Variants in G3BP1 observed in about 807,000 individuals in gnomAD.
The protein encoded by G3BP1 is ras GTPase-activating protein-binding protein 1.
G3BP1 carries 35 observed loss-of-function variants against 58.6 expected under a neutral mutation model. That is an observed-to-expected ratio of 0.60 (90% CI 0.46 to 0.79). G3BP1 has a LOEUF of 0.79. G3BP1 is among the 30% of genes least tolerant of loss of function. G3BP1 has a pLI of 0.00. For missense variants in G3BP1, 523 were observed against 580.8 expected (o/e 0.90, Z 1.02); for synonymous variants, 191 against 195.4 (o/e 0.98, Z 0.19).
chr5:151,778,319 G>C (rs1201689933), intron 1 of G3BP1, among the ~76,000 whole-genome samples: 1 of 152,066 alleles, frequency 6.6e-6, no homozygotes, highest in African/African-American at 2.4e-5. Flanking sequence ...GTACCTCACA[G>C]GTTTTAATTT....
chr5:151,790,316 T>G lies in G3BP1; in HGVS notation c.96-7T>G. On this transcript the variant is annotated splice_region_variant and splice_polypyrimidine_tract_variant and intron_variant, in intron 2 of 11. Transcript: ENST00000356245. ...GATGACAAGTAAATCATCTTCCCAT[T>G]TTACAGATTTTATGGAAAGAACTCT... 7 of 1,469,730 alleles carry G rather than the reference T, an allele frequency of 4.8e-6. No individual in the cohort carries two copies. Among genetic ancestry groups the G allele is most frequent in the Non-Finnish European group, 6.5e-6 (7 of 1,071,762 alleles). 91.0% of individuals were successfully genotyped at this position (1,469,730 alleles called of 1,614,324 possible).
At chr5:151,800,101 G>A (rs947492887) in intron 9 of G3BP1, 101 bp downstream of exon 9, 55 of 1,184,944 alleles carry the variant, frequency 4.6e-5, no homozygotes, top group Non-Finnish European at 6.6e-5. Flanking sequence ...TAAAAATATT[G>A]TAGGGTTGAT....
intron 11 of G3BP1, among the ~76,000 whole-genome samples, chr5:151,801,800 CAA>C (rs781504498): frequency 1.6e-3 from 240 of 151,740 alleles, no homozygotes; most frequent in Middle Eastern, 3.4e-3. Context: ...GGGCATACTG[CAA>C]AGTTTTTTAT....
chr5:151,796,027 GT>G (rs1162888368), intron 6 of G3BP1, among the ~76,000 whole-genome samples: 3 of 152,058 alleles, frequency 2.0e-5, no homozygotes, highest in South Asian at 2.1e-4. Flanking sequence ...ATACCTTTGG[GT>G]TTTTTCCCCC....
chr5:151,774,772 G>A (rs1762339264), intron 1 of G3BP1, among the ~76,000 whole-genome samples: 1 of 151,750 alleles, frequency 6.6e-6, no homozygotes, highest in Non-Finnish European at 1.5e-5. Context: ...AAGCAAGTGG[G>A]AAAAATCTCT....
Position 151,804,083 on chromosome 5 carries a change from C to T in G3BP1, c.1393C>T (p.Arg465Trp), listed in dbSNP as rs372751446. ...TGGAGTGGGAAGGGGGCTTGCGCCA[C>T]GGCAGTGAATCTTCATGGATCTTCA... ...GFGVGRGLAP[R>W]Q The change falls in exon 12 of 12, where the codon CGG (arginine) becomes TGG (tryptophan). Residue 465 changes from arginine to tryptophan, a missense_variant. Physicochemically the swap from Arg to Trp is moderately radical, Grantham distance 101. Transcript: ENST00000356245. The T allele has an allele frequency of 5.0e-6, 8 of 1,596,982 alleles. No homozygotes were observed. Among genetic ancestry groups the T allele is most frequent in the Non-Finnish European group, 6.0e-6 (7 of 1,169,718 alleles).
intron 2 of G3BP1, among the ~76,000 whole-genome samples, chr5:151,788,208 T>C (rs1762583938): frequency 6.6e-6 from 1 of 152,136 alleles, no homozygotes; most frequent in African/African-American, 2.4e-5. Context: ...TTGGGTTTTT[T>C]TTTAAGGCTT....
At position 151,810,824 on chromosome 5, in the gene G3BP1, G is replaced by A. The variant is rs1763007883; in HGVS notation, c.*6733G>A. ...CCATTTCAGTGGAGAAAATTGTTGG[G>A]AAATTTGGGGGGATGGATATATAAG... On this transcript the variant is annotated 3_prime_UTR_variant, in exon 12 of 12. Coordinates refer to ENST00000356245, the MANE Select transcript of G3BP1 (RefSeq NM_005754.3). 6.6e-6 allele frequency: 1 copy of A among 151,604 alleles called. No individual in the cohort carries two copies. The highest frequency in any genetic ancestry group is 2.1e-4 in the South Asian group (1 of 4,798). 9.4% of individuals were successfully genotyped at this position (151,604 alleles called of 1,614,324 possible). A position where few individuals can be genotyped will look rare whatever the true frequency, so the allele number is the denominator to read the frequency against.
At chr5:151,802,469 C>A (rs933372067) in intron 11 of G3BP1, among the ~76,000 whole-genome samples, 4 of 152,148 alleles carry the variant, frequency 2.6e-5, no homozygotes, top group African/African-American at 9.7e-5. Flanking sequence ...TGTAGCTTAC[C>A]GTTTCAAAGC....
Position 151,802,167 on chromosome 5 carries a change from A to C in G3BP1, c.1194+1298A>C, listed in dbSNP as rs571893923. 2.0e-5 allele frequency among the ~76,000 whole-genome samples: 3 copies of C among 152,158 alleles called. No individual in the cohort carries two copies. The East Asian group carries it at 5.8e-4, about 29-fold the overall frequency. ...TATAACATGTCAACCTGAGTATGCA[A>C]ATATACATTATCTTTCAAATTATTT... On this transcript the variant is annotated intron_variant, in intron 11 of 11. Coordinates refer to ENST00000356245, the MANE Select transcript of G3BP1 (RefSeq NM_005754.3).
chr5:151,804,030 G>A lies in G3BP1; in HGVS notation c.1340G>A (p.Arg447His), dbSNP rs543064462. The A allele has an allele frequency of 2.0e-5, 32 of 1,613,302 alleles. No homozygotes were observed. Among genetic ancestry groups the A allele is most frequent in the Admixed American group, 6.7e-5 (4 of 59,892 alleles). Residue 447 changes from arginine (R) to histidine (H), a missense_variant, in exon 12 of 12, where the codon CGT becomes CAT. By Grantham distance (29) the Arg-to-His change is conservative. Coordinates refer to ENST00000356245, the MANE Select transcript of G3BP1 (RefSeq NM_005754.3). ...GGTGGTGGAATGAGAGGCCCTCCCC[G>A]TGGAGGCATGGTGCAGAAACCAGGA... is the stretch of plus-strand genomic sequence containing the variant. ...GLGGGMRGPPRGGMVQKPGFG... is the reference protein window; with the variant it reads ...GLGGGMRGPPHGGMVQKPGFG...
chr5:151,780,948 A>T (rs1762460291), intron 1 of G3BP1, among the ~76,000 whole-genome samples: 1 of 152,180 alleles, frequency 6.6e-6, no homozygotes, highest in Non-Finnish European at 1.5e-5. Flanking sequence ...TTAATGTAGT[A>T]CAGTTGAACC....
chr5:151,775,069 A>G (rs1581569129), intron 1 of G3BP1, among the ~76,000 whole-genome samples: 1 of 152,236 alleles, frequency 6.6e-6, no homozygotes, highest in Non-Finnish European at 1.5e-5. Flanking sequence ...ACAAGGTGGA[A>G]AGCAATTTCA....
intron 4 of G3BP1, 100 bp downstream of exon 4, chr5:151,791,162 A>G: frequency 9.6e-7 from 1 of 1,046,168 alleles, no homozygotes; most frequent in East Asian, 2.4e-5. Context: ...TTTCAGACTT[A>G]CAGAAAACTT....
intron 1 of G3BP1, among the ~76,000 whole-genome samples, chr5:151,785,961 G>T (rs1048581854): frequency 6.6e-6 from 1 of 152,168 alleles, no homozygotes; most frequent in African/African-American, 2.4e-5. Context: ...GAATGTGCTT[G>T]TAACTTTACA....
rs952700363 is a variant in G3BP1 at position 151,800,840 on chromosome 5, G to A, written c.1165G>A (p.Glu389Lys). Residue 389 changes from glutamate (E) to lysine (K), a missense_variant, in exon 11 of 12, where the codon GAG becomes AAG. Physicochemically the swap from Glu to Lys is moderately conservative, Grantham distance 56 (BLOSUM62 1). This residue lies in a region of G3BP1 where 125 missense variants were observed against 181.7 expected (regional missense o/e 0.69). Coordinates refer to ENST00000356245, the MANE Select transcript of G3BP1 (RefSeq NM_005754.3). Reference protein sequence around the residue: ...NFGFVVFDDSEPVQKVLSNRP... With the variant: ...NFGFVVFDDSKPVQKVLSNRP... The stretch of plus-strand genomic sequence containing the variant: ...TGGTTTTGTTGTGTTTGATGATTCT[G>A]AGCCTGTTCAGAAAGTCCTTAGCAA... 3.7e-6 allele frequency: 6 copies of A among 1,605,128 alleles called. No homozygotes were observed. In the Admixed American group the frequency reaches 8.3e-5, roughly 22 times the overall value.
intron 4 of G3BP1, 145 bp downstream of exon 4, chr5:151,791,207 A>C: frequency 1.5e-6 from 1 of 653,448 alleles, no homozygotes; most frequent in Non-Finnish European, 2.8e-6. Flanking sequence ...TATACTCCTT[A>C]CCTAGAGCAG....
rs78451223 is a variant in G3BP1 at position 151,790,180 on chromosome 5, A to G, written c.96-143A>G. 2,473 of 459,708 alleles carry G rather than the reference A, an allele frequency of 5.4e-3. 10 individuals are homozygous for G. The highest frequency in any genetic ancestry group is 6.5e-3 in the Non-Finnish European group (1,636 of 252,450). The allele number at this position is 459,708 out of a possible 1,614,324, so 28.5% of individuals were successfully genotyped here. On this transcript the variant is annotated intron_variant, in intron 2 of 11. Transcript: ENST00000356245. ...CGGCACATCGAAGCTGCAATGAGCT[A>G]TGATTGCATCACTGCACTCCAGCCT... is the stretch of plus-strand genomic sequence containing the variant.
intron 4 of G3BP1, among the ~76,000 whole-genome samples, chr5:151,792,413 A>G (rs1762674705): frequency 6.6e-6 from 1 of 152,220 alleles, no homozygotes; most frequent in Non-Finnish European, 1.5e-5. Context: ...TTTTAGAGGA[A>G]GGCTTAGATT....
Sources: gnomAD v4.1 joint callset for allele counts (sites outside exome capture counted in the v4.1 genomes callset) on GRCh38, gnomAD v4.1.1 for gene constraint, gnomAD v4.1.1 regional missense constraint, MANE v1.5 for transcripts, NCBI Gene and HGNC (gene_info 2026-07-23, HGNC 2026-07-21) for gene names.